ARMC8: variants seen among roughly 807,000 people sequenced by gnomAD.
The protein encoded by ARMC8 is armadillo repeat containing 8.
ARMC8 carries 20 observed loss-of-function variants against 99.3 expected under a neutral mutation model. The ratio of observed to expected loss-of-function variants is 0.20; its 90% CI spans 0.14 to 0.29. The LOEUF is 0.29. Ranked by LOEUF, ARMC8 falls within the 10% of genes least tolerant of loss-of-function variation. The pLI is 1.00. For synonymous variants in ARMC8, 263 were observed against 278.3 expected, an observed-to-expected ratio of 0.95 and a Z score of 0.55; for missense variants, 569 against 809.5, an observed-to-expected ratio of 0.70 and a Z score of 3.60.
At chr3:138,246,467 G>A in intron 12 of ARMC8, 1 of 985,370 alleles carries the variant, frequency 1.0e-6, no homozygotes, top group Non-Finnish European at 1.2e-6. Flanking sequence ...TGTATTGCAA[G>A]GGGAGAGGCT....
intron 3 of ARMC8, 68 bp from the exon 4 acceptor site, chr3:138,223,320 CT>C (rs2045507614): frequency 2.7e-6 from 4 of 1,481,466 alleles, no homozygotes; most frequent in Middle Eastern, 1.9e-4. Flanking sequence ...ACTGCACAGC[CT>C]TTTTTGGTCA....
intron 2 of ARMC8, among the ~76,000 whole-genome samples, 162 bp downstream of exon 2, chr3:138,210,055 A>G (rs928553537): frequency 3.3e-5 from 5 of 152,220 alleles, no homozygotes; most frequent in East Asian, 1.9e-4. Flanking sequence ...ATATTTTACC[A>G]TAAAGAATTG....
At chr3:138,216,345 C>CAACT (rs908926286) in intron 2 of ARMC8, among the ~76,000 whole-genome samples, 2 of 152,060 alleles carry the variant, frequency 1.3e-5, no homozygotes, top group Non-Finnish European at 2.9e-5. Context: ...GTAAGTTTTC[C>CAACT]AACTGCCTCT....
intron 8 of ARMC8, 28 bp downstream of exon 8, chr3:138,237,412 CA>C (rs2046386801): frequency 6.2e-7 from 1 of 1,611,270 alleles, no homozygotes. Context: ...GTGGCACCTA[CA>C]TGATTTAATT....
chr3:138,289,012 C>A, intron 19 of ARMC8, 36 bp from the exon 20 acceptor site: 2 of 1,556,764 alleles, frequency 1.3e-6, no homozygotes, highest in Non-Finnish European at 1.8e-6. Context: ...GAGATTACCA[C>A]CATTTTGATT....
chr3:138,241,871 A>G lies in ARMC8; in HGVS notation c.926A>G (p.Glu309Gly), dbSNP rs2046643193. The change falls in exon 11 of 22, where the codon GAA becomes GGA. Residue 309 changes from glutamate (E) to glycine (G), a missense_variant. By Grantham distance (98) the Glu-to-Gly change is moderately conservative. This residue lies in a region of ARMC8 where 342 missense variants were observed against 391.6 expected (regional missense o/e 0.87). Coordinates refer to ENST00000469044, the MANE Select transcript of ARMC8 (RefSeq NM_001363941.2). Reference protein sequence around the residue: ...EGAETLAYLIEPDVELQRIAS... With the variant: ...EGAETLAYLIGPDVELQRIAS... The stretch of plus-strand genomic sequence containing the variant: ...GCTGAGACACTTGCCTATCTGATTG[A>G]ACCAGATGTTGAGCTACAGAGAATC... The G allele has an allele frequency of 3.7e-6, 6 of 1,614,102 alleles. No homozygotes were observed. The highest frequency in any genetic ancestry group is 5.1e-6 in the Non-Finnish European group (6 of 1,179,992).
chr3:138,222,276 C>CA (rs1365133550), intron 3 of ARMC8, among the ~76,000 whole-genome samples: 1 of 152,196 alleles, frequency 6.6e-6, no homozygotes, highest in Non-Finnish European at 1.5e-5. Flanking sequence ...ATGCAATGTA[C>CA]AACAGCCTGA....
intron 5 of ARMC8, 133 bp downstream of exon 5, chr3:138,223,866 G>A (rs2045537484): frequency 1.4e-6 from 1 of 694,702 alleles, no homozygotes; most frequent in Non-Finnish European, 2.5e-6. Flanking sequence ...GCTCACACCA[G>A]TAATCCCAGT....
intron 12 of ARMC8, among the ~76,000 whole-genome samples, chr3:138,252,380 A>G (rs1202545179): frequency 6.6e-6 from 1 of 152,008 alleles, no homozygotes; most frequent in East Asian, 1.9e-4. Flanking sequence ...AAAGTCTAAA[A>G]TATTTACTGC....
chr3:138,261,757 T>A (rs1461982687), intron 12 of ARMC8: 1 of 152,150 alleles, frequency 6.6e-6, no homozygotes, highest in East Asian at 1.9e-4. Context: ...AAGGTAGTTT[T>A]TGGATCAAGG....
At chr3:138,229,138 A>ATG (rs1559957317) in intron 6 of ARMC8, 128 bp downstream of exon 6, 1 of 39,762 alleles carries the variant, frequency 2.5e-5, no homozygotes, top group African/African-American at 1.7e-4. Flanking sequence ...GTGCGTGTAT[A>ATG]TATATATATA....
At chr3:138,202,888 T>A (rs1026361827) in intron 1 of ARMC8, among the ~76,000 whole-genome samples, 1 of 152,228 alleles carries the variant, frequency 6.6e-6, no homozygotes, top group Non-Finnish European at 1.5e-5. Context: ...AAAACTTGAG[T>A]TGAACACTTA....
chr3:138,245,179 A>G lies in ARMC8; in HGVS notation c.1130A>G (p.Lys377Arg), dbSNP rs757216743. The G allele has an allele frequency of 6.2e-7, 1 of 1,614,238 alleles. No homozygotes were observed. The highest frequency in any genetic ancestry group is 8.5e-7 in the Non-Finnish European group (1 of 1,180,036). ...SLGANDEDIR[K>R]KIIETENMMD... ...GGAGCAAATGATGAAGACATCCGGA[A>G]GAAGGTGAGTCTGGGAGAGGGGCGT... Residue 377 changes from lysine (K) to arginine (R), a missense_variant, in exon 12 of 22, where the codon AAG (lysine) becomes AGG (arginine). Transcript: ENST00000469044.
At chr3:138,218,274 G>A (rs575754210) in intron 2 of ARMC8, among the ~76,000 whole-genome samples, 1 of 152,282 alleles carries the variant, frequency 6.6e-6, no homozygotes, top group South Asian at 2.1e-4. Flanking sequence ...AATATTATAA[G>A]CATTCCATTT....
chr3:138,291,463 C>A lies in ARMC8; in HGVS notation c.1988+824C>A, dbSNP rs527349603. ...ATTCATCAGATATCTCTTTTGAATACCTGCCTTCTGCCAGGCATTGTTTTA... is the reference window on the plus strand; with the variant it reads ...ATTCATCAGATATCTCTTTTGAATAACTGCCTTCTGCCAGGCATTGTTTTA... On this transcript the variant is annotated intron_variant, in intron 21 of 21. Transcript: ENST00000469044. Among the ~76,000 whole-genome samples the A allele has an allele frequency of 3.9e-5, 6 of 152,312 alleles. No individual in the cohort carries two copies. In the South Asian group the frequency reaches 1.2e-3, roughly 32 times the overall value.
chr3:138,204,519 A>G (rs1256890369), intron 1 of ARMC8, among the ~76,000 whole-genome samples: 1 of 152,116 alleles, frequency 6.6e-6, no homozygotes, highest in Non-Finnish European at 1.5e-5. Flanking sequence ...GCCTTCTTTC[A>G]AGGTTCTTGT....
intron 3 of ARMC8, 91 bp from the exon 4 acceptor site, chr3:138,223,298 T>G (rs2045506411): frequency 8.6e-7 from 1 of 1,158,188 alleles, no homozygotes; most frequent in South Asian, 1.5e-5. Context: ...CAACCATATT[T>G]TTAGTATGTG....
At chr3:138,246,978 TTAAG>T in intron 12 of ARMC8, 2 of 562,188 alleles carry the variant, frequency 3.6e-6, no homozygotes, top group Non-Finnish European at 4.5e-6. Context: ...TTCTGGGAAA[TTAAG>T]TGTTTGAATA....
chr3:138,239,403 A>G, intron 9 of ARMC8, 65 bp from the exon 10 acceptor site: 1 of 1,234,892 alleles, frequency 8.1e-7, no homozygotes, highest in Non-Finnish European at 1.2e-6. Context: ...TCTTAAAGGC[A>G]AATAATTTTT....
Sources: gnomAD v4.1 joint callset for allele counts (sites outside exome capture counted in the v4.1 genomes callset) on GRCh38, gnomAD v4.1.1 for gene constraint, gnomAD v4.1.1 regional missense constraint, MANE v1.5 for transcripts, NCBI Gene and HGNC (gene_info 2026-07-23, HGNC 2026-07-21) for gene names.